GTF2F2: variants seen among roughly 807,000 people sequenced by gnomAD.
GTF2F2 encodes the protein ATP-dependent helicase GTF2F2.
GTF2F2 carries 23 observed loss-of-function variants against 42.2 expected under a neutral mutation model. The observed-to-expected ratio is 0.55, with a 90% CI of 0.39 to 0.77. GTF2F2 has a LOEUF of 0.77. Ranked by LOEUF, GTF2F2 falls within the 30% of genes least tolerant of loss-of-function variation. GTF2F2 has a pLI of 0.00. For missense variants in GTF2F2, 261 were observed against 287.2 expected (o/e 0.91, Z 0.66); for synonymous variants, 105 against 100.8 (o/e 1.04, Z -0.25).
intron 4 of GTF2F2, among the ~76,000 whole-genome samples, chr13:45,178,447 A>T: frequency 6.9e-6 from 1 of 145,574 alleles, no homozygotes; most frequent in Non-Finnish European, 1.5e-5. Flanking sequence ...TTTTAATCAC[A>T]GTCCAGTTGT....
At chr13:45,187,152 G>A (rs1004618868) in intron 4 of GTF2F2, among the ~76,000 whole-genome samples, 8 of 152,166 alleles carry the variant, frequency 5.3e-5, no homozygotes, top group African/African-American at 1.7e-4. Flanking sequence ...CACTTTGGGA[G>A]ACCAAGGCAG....
At chr13:45,254,432 G>A (rs1876013721) in intron 6 of GTF2F2, among the ~76,000 whole-genome samples, 1 of 152,114 alleles carries the variant, frequency 6.6e-6, no homozygotes, top group South Asian at 2.1e-4. Context: ...TGTACTATAT[G>A]TATTATACAA....
At position 45,233,855 on chromosome 13, in the gene GTF2F2, G is replaced by A. The variant is rs146402675; in HGVS notation, c.387-19016G>A. Reference sequence around the variant, plus strand: ...TTGAGCCCAGGAGGCCGAGGTTGCAGTGAACCGAGATCATGCCACCGCACT... The same window carrying A: ...TTGAGCCCAGGAGGCCGAGGTTGCAATGAACCGAGATCATGCCACCGCACT... On this transcript the variant is annotated intron_variant, in intron 5 of 7. Transcript: ENST00000340473. Among the ~76,000 whole-genome samples, 386 of 152,274 alleles carry A rather than the reference G, an allele frequency of 2.5e-3. 1 individual carries two copies. The highest frequency in any genetic ancestry group is 4.6e-3 in the Non-Finnish European group (316 of 68,030).
chr13:45,210,887 G>A (rs1201775149), intron 5 of GTF2F2, among the ~76,000 whole-genome samples: 1 of 152,328 alleles, frequency 6.6e-6, no homozygotes, highest in Middle Eastern at 3.4e-3. Context: ...AAGATTAGAA[G>A]CTGGGAGATA....
At chr13:45,165,522 A>G (rs1480929967) in intron 4 of GTF2F2, among the ~76,000 whole-genome samples, 2 of 151,038 alleles carry the variant, frequency 1.3e-5, no homozygotes, top group South Asian at 2.1e-4. Flanking sequence ...TACTTGTAGG[A>G]TTTTTCATCA....
At chr13:45,166,539 T>C (rs935756214) in intron 4 of GTF2F2, among the ~76,000 whole-genome samples, 1 of 152,200 alleles carries the variant, frequency 6.6e-6, no homozygotes, top group African/African-American at 2.4e-5. Context: ...GTACGAAAGC[T>C]GTGTTCACTG....
chr13:45,184,261 G>A (rs551970956), intron 4 of GTF2F2, among the ~76,000 whole-genome samples: 1 of 152,256 alleles, frequency 6.6e-6, no homozygotes, highest in South Asian at 2.1e-4. Flanking sequence ...GAAAGAGGTA[G>A]ATAGGGTGTG....
At chr13:45,274,574 C>T (rs1256178043) in intron 7 of GTF2F2, among the ~76,000 whole-genome samples, 4 of 152,020 alleles carry the variant, frequency 2.6e-5, no homozygotes, top group South Asian at 2.1e-4. Flanking sequence ...CGTGATCCGC[C>T]CACCTTGACC....
At chr13:45,269,839 G>A (rs1876716637) in intron 7 of GTF2F2, among the ~76,000 whole-genome samples, 1 of 152,052 alleles carries the variant, frequency 6.6e-6, no homozygotes, top group Non-Finnish European at 1.5e-5. Context: ...TGTTTTGTTT[G>A]TTTGTTTTTG....
chr13:45,169,557 G>A (rs552958747), intron 4 of GTF2F2, among the ~76,000 whole-genome samples: 34 of 152,300 alleles, frequency 2.2e-4, no homozygotes, highest in African/African-American at 8.2e-4. Context: ...TTAGTTTTTT[G>A]AACTAAGAAG....
chr13:45,283,110 C>A (rs1298898027), intron 7 of GTF2F2, among the ~76,000 whole-genome samples: 1 of 152,102 alleles, frequency 6.6e-6, no homozygotes. Context: ...CTTGGTGTAC[C>A]GTGTCACACT....
At chr13:45,140,293 G>A (rs1869856873) in intron 2 of GTF2F2, among the ~76,000 whole-genome samples, 3 of 152,026 alleles carry the variant, frequency 2.0e-5, no homozygotes, top group East Asian at 3.9e-4. Context: ...TTGACTCCAC[G>A]AATATTGACC....
intron 6 of GTF2F2, among the ~76,000 whole-genome samples, chr13:45,257,052 C>G (rs1876133349): frequency 6.6e-6 from 1 of 152,086 alleles, no homozygotes; most frequent in Admixed American, 6.6e-5. Flanking sequence ...TTTCACCCAC[C>G]TATGGCAAAT....
At chr13:45,140,904 C>G (rs1869897657) in intron 2 of GTF2F2, among the ~76,000 whole-genome samples, 2 of 152,190 alleles carry the variant, frequency 1.3e-5, no homozygotes, top group African/African-American at 4.8e-5. Flanking sequence ...AGCTCAAGAC[C>G]TGGCTTCTAG....
At position 45,215,855 on chromosome 13, in the gene GTF2F2, C is replaced by T. The variant is rs536458466; in HGVS notation, c.386+8350C>T. Among the ~76,000 whole-genome samples the T allele has an allele frequency of 2.0e-4, 30 of 152,234 alleles. 1 individual carries two copies. The highest frequency in any genetic ancestry group is 3.4e-3 in the Middle Eastern group (1 of 294). ...CCCTCTTTCCTCTGAAGAGCCATAG[C>T]AGCTGTCTCTTTCACAGCCTTGAGC... On this transcript the variant is annotated intron_variant, in intron 5 of 7. Coordinates refer to ENST00000340473, the MANE Select transcript of GTF2F2 (RefSeq NM_004128.3).
At chr13:45,144,438 C>T (rs1870087625) in intron 2 of GTF2F2, among the ~76,000 whole-genome samples, 2 of 141,534 alleles carry the variant, frequency 1.4e-5, no homozygotes, top group South Asian at 2.3e-4. Flanking sequence ...TTATTTCTAG[C>T]TTTATTTCTT....
At chr13:45,204,148 G>T (rs543054797) in intron 4 of GTF2F2, among the ~76,000 whole-genome samples, 134 of 152,010 alleles carry the variant, frequency 8.8e-4, no homozygotes, top group African/African-American at 3.0e-3. Context: ...GGTTTTTTAA[G>T]CTTATTTTTA....
At chr13:45,140,154 T>C (rs575502431) in intron 2 of GTF2F2, among the ~76,000 whole-genome samples, 1 of 151,480 alleles carries the variant, frequency 6.6e-6, no homozygotes, top group South Asian at 2.1e-4. Context: ...AGTCTCCCTG[T>C]GTTGCCTTGG....
intron 7 of GTF2F2, among the ~76,000 whole-genome samples, chr13:45,274,078 G>C (rs897302031): frequency 1.3e-5 from 2 of 152,086 alleles, no homozygotes; most frequent in African/African-American, 2.4e-5. Flanking sequence ...ACCTTGTACT[G>C]CCAGCACTGG....
Sources: gnomAD v4.1 joint callset for allele counts (sites outside exome capture counted in the v4.1 genomes callset) on GRCh38, gnomAD v4.1.1 for gene constraint, MANE v1.5 for transcripts, NCBI Gene and HGNC (gene_info 2026-07-23, HGNC 2026-07-21) for gene names.